Variants in GPLD1 observed in about 807,000 individuals in gnomAD.
GPLD1 encodes phosphatidylinositol-glycan-specific phospholipase D.
GPLD1 carries 84 observed loss-of-function variants against 112.6 expected under a neutral mutation model. The ratio of observed to expected loss-of-function variants is 0.75; its 90% CI spans 0.63 to 0.89. GPLD1 has a LOEUF of 0.89. Ranked by LOEUF, GPLD1 falls within the 40% of genes least tolerant of loss-of-function variation. GPLD1 has a pLI of 0.00. For synonymous variants in GPLD1, 386 were observed against 403.8 expected, an observed-to-expected ratio of 0.96 and a Z score of 0.53; for missense variants, 1,044 against 1,051.5, an observed-to-expected ratio of 0.99 and a Z score of 0.10.
chr6:24,484,542 G>C (rs1764310552), intron 2 of GPLD1, among the ~76,000 whole-genome samples: 1 of 152,142 alleles, frequency 6.6e-6, no homozygotes, highest in Admixed American at 6.5e-5. Context: ...ATTAGTATTT[G>C]GATTAGAATG....
chr6:24,474,838 G>A (rs981806694), intron 5 of GPLD1, among the ~76,000 whole-genome samples: 2 of 152,004 alleles, frequency 1.3e-5, no homozygotes, highest in African/African-American at 4.8e-5. Context: ...TACTCAGGAG[G>A]CTGAGGCAGG....
chr6:24,483,860 C>T (rs1764282858), intron 2 of GPLD1, among the ~76,000 whole-genome samples: 1 of 151,720 alleles, frequency 6.6e-6, no homozygotes, highest in Non-Finnish European at 1.5e-5. Context: ...TCTCCTGCCT[C>T]AGCCTTCCAA....
At chr6:24,441,150 A>AAT (rs754470632) in intron 20 of GPLD1, among the ~76,000 whole-genome samples, 3 of 141,448 alleles carry the variant, frequency 2.1e-5, no homozygotes, top group South Asian at 2.2e-4. Context: ...TAAAAATAAA[A>AAT]AAAAAAATAG....
chr6:24,470,033 A>G (rs1384712010), intron 7 of GPLD1, among the ~76,000 whole-genome samples: 2 of 152,158 alleles, frequency 1.3e-5, no homozygotes, highest in East Asian at 3.9e-4. Flanking sequence ...AACTAGAAAC[A>G]AAAAAACCCT....
chr6:24,432,247 T>TAAA (rs71002493), intron 24 of GPLD1, among the ~76,000 whole-genome samples: 1,393 of 90,720 alleles, frequency 0.015, 26 homozygotes, highest in African/African-American at 0.041. Context: ...GACTCTGTCT[T>TAAA]AAAAAAAAAA....
intron 21 of GPLD1, 102 bp downstream of exon 21, chr6:24,437,011 G>T: frequency 9.5e-7 from 1 of 1,050,018 alleles, no homozygotes. Flanking sequence ...TGGGCCACTG[G>T]GCTGTCAATT....
rs186576925 is a variant in GPLD1, at chr6:24,434,586, T to G, written c.2359-1197A>C. Among the ~76,000 whole-genome samples, 26 of 152,160 alleles carry G rather than the reference T, an allele frequency of 1.7e-4. 1 individual carries two copies. The highest frequency in any genetic ancestry group is 6.8e-3 in the Middle Eastern group (2 of 294). ...TAAACTTCCTCGCTGATCTTTAATT[T>G]TTTTATTTTAAGACAGGGTCTTGGG... On this transcript the variant is annotated intron_variant, in intron 22 of 24. Transcript: ENST00000230036.
chr6:24,479,282 G>C (rs1764123152), intron 3 of GPLD1, among the ~76,000 whole-genome samples: 1 of 152,180 alleles, frequency 6.6e-6, no homozygotes, highest in Admixed American at 6.6e-5. Context: ...GTAAGAGAGA[G>C]AGTGTTCCTG....
chr6:24,428,359 G>A lies in GPLD1; in HGVS notation c.*673C>T, dbSNP rs1203318172. ...ATTTCATCACCCTAAGTATCCATTA[G>A]TTATTTTTCCTGATCTCTCCCTCCT... On this transcript the variant is annotated 3_prime_UTR_variant, in exon 25 of 25. Coordinates refer to ENST00000230036, the MANE Select transcript of GPLD1 (RefSeq NM_001503.4). 1.1e-4 allele frequency: 17 copies of A among 152,096 alleles called. No individual in the cohort carries two copies. Among genetic ancestry groups the A allele is most frequent in the Non-Finnish European group, 2.5e-4 (17 of 68,024 alleles). 9.4% of individuals were successfully genotyped at this position (152,096 alleles called of 1,614,324 possible). A position where few individuals can be genotyped will look rare whatever the true frequency, so the allele number is the denominator to read the frequency against.
At chr6:24,449,286 C>T (rs1763006235) in intron 15 of GPLD1, among the ~76,000 whole-genome samples, 1 of 151,850 alleles carries the variant, frequency 6.6e-6, no homozygotes, top group African/African-American at 2.4e-5. Flanking sequence ...CCCTCGACCT[C>T]CACAGTCACA....
At chr6:24,477,242 A>C (rs910428471) in intron 3 of GPLD1, among the ~76,000 whole-genome samples, 12 of 147,890 alleles carry the variant, frequency 8.1e-5, no homozygotes, top group Non-Finnish European at 3.0e-5. Flanking sequence ...GACTGGAAGC[A>C]GAAAGTCCCC....
At chr6:24,445,016 CTTATT>C (rs141887630) in intron 20 of GPLD1, among the ~76,000 whole-genome samples, 9,167 of 151,724 alleles carry the variant, frequency 0.06, 777 homozygotes, top group African/African-American at 0.19. Context: ...TTTATTTTAT[CTTATT>C]TTATTTTATT....
chr6:24,471,293 G>A (rs1289351469), intron 7 of GPLD1, among the ~76,000 whole-genome samples: 1 of 152,102 alleles, frequency 6.6e-6, no homozygotes, highest in East Asian at 1.9e-4. Context: ...CCAGGAGTTC[G>A]AGACCAGCCT....
At chr6:24,445,856 G>A (rs1055670865) in intron 18 of GPLD1, 25 bp from the exon 19 acceptor site, 1 of 1,516,728 alleles carries the variant, frequency 6.6e-7, no homozygotes, top group African/African-American at 1.4e-5. Context: ...ACTGGGCTTA[G>A]CTGCCAGGGC....
Position 24,448,106 on chromosome 6 carries a change from C to T in GPLD1, c.1521+28G>A, listed in dbSNP as rs749937577. 1.3e-5 allele frequency: 21 copies of T among 1,610,782 alleles called. No homozygotes were observed. In the East Asian group the frequency reaches 4.5e-4, roughly 34 times the overall value. ...TTAGGATACAGCGAGTTCTAGGTTT[C>T]TGCACCTGGCTAAAGTGGTAAACAT... On this transcript the variant is annotated intron_variant, in intron 16 of 24. Coordinates refer to ENST00000230036, the MANE Select transcript of GPLD1 (RefSeq NM_001503.4).
intron 7 of GPLD1, among the ~76,000 whole-genome samples, chr6:24,471,783 G>A (rs1386994054): frequency 2.0e-5 from 3 of 152,060 alleles, no homozygotes; most frequent in Non-Finnish European, 2.9e-5. Context: ...GCAGAGGCGC[G>A]ATCATAGCTC....
chr6:24,469,311 A>C (rs986525232), intron 7 of GPLD1, among the ~76,000 whole-genome samples: 2 of 139,674 alleles, frequency 1.4e-5, no homozygotes, highest in Non-Finnish European at 3.1e-5. Flanking sequence ...TCATGCTGCT[A>C]TAAAGACACA....
upstream of GPLD1, among the ~76,000 whole-genome samples, chr6:24,494,167 C>T (rs941468357): frequency 6.6e-6 from 1 of 152,178 alleles, no homozygotes; most frequent in Admixed American, 6.5e-5. Flanking sequence ...AGTGGCTTGA[C>T]TAGGGTAGCT....
intron 7 of GPLD1, among the ~76,000 whole-genome samples, chr6:24,470,125 GTTTT>G (rs1011777772): frequency 4.7e-5 from 7 of 148,614 alleles, no homozygotes; most frequent in African/African-American, 1.7e-4. Context: ...AACCTGGACG[GTTTT>G]TTTTTTGTTT....
Sources: gnomAD v4.1 joint callset for allele counts (sites outside exome capture counted in the v4.1 genomes callset) on GRCh38, gnomAD v4.1.1 for gene constraint, MANE v1.5 for transcripts, NCBI Gene and HGNC (gene_info 2026-07-23, HGNC 2026-07-21) for gene names.